ARL15: variants seen among roughly 807,000 people sequenced by gnomAD.
ARL15 encodes ADP-ribosylation factor-like protein 15.
ARL15 carries 19 observed loss-of-function variants against 25.2 expected under a neutral mutation model. The ratio of observed to expected loss-of-function variants is 0.75; its 90% CI spans 0.53 to 1.10. The LOEUF is 1.10. ARL15 is among the 50% of genes least tolerant of loss of function. The pLI is 0.00. For missense variants in ARL15, 220 were observed against 246.0 expected (o/e 0.89, Z 0.71); for synonymous variants, 94 against 86.8 (o/e 1.08, Z -0.46).
chr5:54,199,552 A>G (rs1024545260), intron 1 of ARL15, among the ~76,000 whole-genome samples: 4 of 151,920 alleles, frequency 2.6e-5, no homozygotes, highest in African/African-American at 4.8e-5. Flanking sequence ...AATGCTCACC[A>G]TCACTGGCCA....
At chr5:54,163,489 G>C (rs1444364659) in intron 2 of ARL15, among the ~76,000 whole-genome samples, 1 of 144,758 alleles carries the variant, frequency 6.9e-6, no homozygotes, top group Non-Finnish European at 1.5e-5. Context: ...AGAGACTAAA[G>C]AATTGGCAGT....
intron 4 of ARL15, among the ~76,000 whole-genome samples, chr5:53,986,513 C>T (rs1748302292): frequency 6.6e-6 from 1 of 152,198 alleles, no homozygotes; most frequent in African/African-American, 2.4e-5. Flanking sequence ...TCGGATTACA[C>T]TGGTCTAGGG....
intron 1 of ARL15, among the ~76,000 whole-genome samples, chr5:54,201,331 G>C (rs1179392180): frequency 1.3e-5 from 2 of 152,066 alleles, no homozygotes; most frequent in African/African-American, 2.4e-5. Context: ...AAAGGAATAA[G>C]CTTTTGTGTT....
At chr5:54,147,105 T>A (rs560095656) in intron 3 of ARL15, among the ~76,000 whole-genome samples, 1 of 152,292 alleles carries the variant, frequency 6.6e-6, no homozygotes, top group East Asian at 1.9e-4. Context: ...CTTGGCTTTA[T>A]ACCAATATCA....
intron 4 of ARL15, among the ~76,000 whole-genome samples, chr5:54,032,212 T>C (rs554752731): frequency 6.6e-6 from 1 of 152,186 alleles, no homozygotes; most frequent in Admixed American, 6.5e-5. Flanking sequence ...CACATTTGTT[T>C]ATTCATGGGT....
At chr5:54,210,858 G>A (rs1756019658) in intron 1 of ARL15, among the ~76,000 whole-genome samples, 1 of 152,114 alleles carries the variant, frequency 6.6e-6, no homozygotes, top group Admixed American at 6.5e-5. Flanking sequence ...TAATTCAGTT[G>A]ACAAACAACT....
At chr5:53,953,067 T>C (rs1475974307) in intron 4 of ARL15, among the ~76,000 whole-genome samples, 2 of 152,200 alleles carry the variant, frequency 1.3e-5, no homozygotes, top group Non-Finnish European at 2.9e-5. Flanking sequence ...AATAGTAAGA[T>C]ATACTCATTC....
intron 4 of ARL15, among the ~76,000 whole-genome samples, chr5:53,962,362 T>C (rs111317151): frequency 5.3e-5 from 8 of 152,254 alleles, no homozygotes; most frequent in African/African-American, 1.4e-4. Flanking sequence ...ATATAACATA[T>C]CTGGAACTTT....
rs1269169793 is a variant in ARL15 at position 54,087,204 on chromosome 5, T to C, written c.462+25998A>G. 2.0e-5 allele frequency among the ~76,000 whole-genome samples: 3 copies of C among 152,118 alleles called. No individual in the cohort carries two copies. The South Asian group carries it at 6.2e-4, about 31-fold the overall frequency. ...TTAGCCAGGCGTGGTGGCAGGTGCCTGTAGTCCCAGCTACTCGGGAGGCTC... is the reference window on the plus strand; with the variant it reads ...TTAGCCAGGCGTGGTGGCAGGTGCCCGTAGTCCCAGCTACTCGGGAGGCTC... On this transcript the variant is annotated intron_variant, in intron 4 of 4. Coordinates refer to ENST00000504924, the MANE Select transcript of ARL15 (RefSeq NM_019087.3).
At chr5:54,017,813 A>C (rs1157367615) in intron 4 of ARL15, among the ~76,000 whole-genome samples, 3 of 152,020 alleles carry the variant, frequency 2.0e-5, no homozygotes, top group Non-Finnish European at 2.9e-5. Context: ...CCTTCCCCAG[A>C]ACTTAAGCAA....
chr5:54,001,402 A>G (rs538633542), intron 4 of ARL15, among the ~76,000 whole-genome samples: 1 of 152,172 alleles, frequency 6.6e-6, no homozygotes, highest in Non-Finnish European at 1.5e-5. Context: ...TAGTTAGACA[A>G]TTCTCAACTA....
chr5:54,290,195 C>T (rs1449482069), intron 1 of ARL15, among the ~76,000 whole-genome samples: 3 of 152,174 alleles, frequency 2.0e-5, no homozygotes, highest in Non-Finnish European at 4.4e-5. Flanking sequence ...TAAACAACAT[C>T]CATTTTTTAG....
At chr5:54,033,821 T>C (rs1262733552) in intron 4 of ARL15, among the ~76,000 whole-genome samples, 3 of 152,224 alleles carry the variant, frequency 2.0e-5, no homozygotes, top group Admixed American at 2.0e-4. Context: ...ACAAGGACTG[T>C]CTTTTTTATT....
At chr5:53,979,498 C>A (rs940544862) in intron 4 of ARL15, among the ~76,000 whole-genome samples, 1 of 152,082 alleles carries the variant, frequency 6.6e-6, no homozygotes, top group Admixed American at 6.6e-5. Flanking sequence ...CACGATCATA[C>A]CATTGCACTC....
intron 4 of ARL15, among the ~76,000 whole-genome samples, chr5:54,052,118 G>T (rs2111990968): frequency 6.6e-6 from 1 of 152,236 alleles, no homozygotes; most frequent in East Asian, 1.9e-4. Context: ...TGGATGCCAT[G>T]GGTTCAGAGT....
At chr5:54,036,505 TA>T (rs1750168607) in intron 4 of ARL15, among the ~76,000 whole-genome samples, 1 of 152,086 alleles carries the variant, frequency 6.6e-6, no homozygotes, top group Admixed American at 6.6e-5. Context: ...TCCCCTCTGA[TA>T]AAAACGCTGA....
intron 3 of ARL15, among the ~76,000 whole-genome samples, chr5:54,143,506 G>A (rs1753825269): frequency 6.6e-6 from 1 of 151,418 alleles, no homozygotes; most frequent in African/African-American, 2.4e-5. Context: ...ATATATAGCT[G>A]AATATGTAAT....
chr5:54,169,935 T>A (rs1190740692), intron 2 of ARL15, among the ~76,000 whole-genome samples: 1 of 152,148 alleles, frequency 6.6e-6, no homozygotes, highest in East Asian at 1.9e-4. Context: ...AATCAAGCAA[T>A]GTCTCTAACC....
At chr5:54,100,524 C>T (rs1752405815) in intron 4 of ARL15, among the ~76,000 whole-genome samples, 2 of 152,014 alleles carry the variant, frequency 1.3e-5, no homozygotes, top group Admixed American at 1.3e-4. Context: ...TTACCTCATG[C>T]AATCACAAAT....
Sources: gnomAD v4.1 joint callset for allele counts (sites outside exome capture counted in the v4.1 genomes callset) on GRCh38, gnomAD v4.1.1 for gene constraint, MANE v1.5 for transcripts, NCBI Gene and HGNC (gene_info 2026-07-23, HGNC 2026-07-21) for gene names.